Variants in CADM1 observed in about 807,000 individuals in gnomAD.
CADM1 encodes TSLC-1.
A neutral mutation model predicts 53.1 loss-of-function variants in CADM1; 15 were observed. That is an observed-to-expected ratio of 0.28 (90% CI 0.19 to 0.44). The LOEUF is 0.44. Ranked by LOEUF, CADM1 falls within the 20% of genes least tolerant of loss-of-function variation. The probability of loss-of-function intolerance (pLI) is 1.00; values close to 1 mark genes in which losing one functional copy is unlikely to be tolerated. For missense variants in CADM1, 434 were observed against 611.3 expected (o/e 0.71, Z 3.06); for synonymous variants, 281 against 243.0 (o/e 1.16, Z -1.45).
chr11:115,326,006 A>G (rs1207533635), intron 1 of CADM1, among the ~76,000 whole-genome samples: 5 of 152,210 alleles, frequency 3.3e-5, no homozygotes, highest in African/African-American at 1.2e-4. Context: ...TACATTTAAA[A>G]TAAAACTCAG....
At chr11:115,467,100 G>A (rs1277305611) in intron 1 of CADM1, among the ~76,000 whole-genome samples, 1 of 152,126 alleles carries the variant, frequency 6.6e-6, no homozygotes, top group Non-Finnish European at 1.5e-5. Context: ...CTGTTAAGAG[G>A]GATTAAAAAT....
intron 1 of CADM1, among the ~76,000 whole-genome samples, chr11:115,250,242 C>A (rs1942558271): frequency 6.6e-6 from 1 of 152,182 alleles, no homozygotes; most frequent in Non-Finnish European, 1.5e-5. Context: ...AATTGAATTT[C>A]TTTACAACCT....
At chr11:115,261,024 T>C (rs1174746165) in intron 1 of CADM1, among the ~76,000 whole-genome samples, 1 of 152,016 alleles carries the variant, frequency 6.6e-6, no homozygotes, top group Admixed American at 6.6e-5. Context: ...TTTTGGGAAT[T>C]TGCAATGTAG....
Position 115,178,698 on chromosome 11 carries a change from A to C in CADM1, c.1243T>G (p.Phe415Val), listed in dbSNP as rs61748616. Residue 415 changes from phenylalanine to valine, a missense_variant, in exon 11 of 12, where the codon TTC becomes GTC. By Grantham distance (50) the Phe-to-Val change is conservative (BLOSUM62 -1). Coordinates refer to ENST00000331581, the MANE Select transcript of CADM1 (RefSeq NM_001301043.2). Reference sequence around the variant, plus strand: ...ATGATGAGCAAGCACAGCATGGCGAACACCACCACCGCCACGACGCCACCG... The same window carrying C: ...ATGATGAGCAAGCACAGCATGGCGACCACCACCACCGCCACGACGCCACCG... ...VIGGVVAVVVFAMLCLLIILG... is the reference protein window; with the variant it reads ...VIGGVVAVVVVAMLCLLIILG... 1.9e-6 allele frequency: 3 copies of C among 1,613,554 alleles called. No individual in the cohort carries two copies. Among genetic ancestry groups the C allele is most frequent in the African/African-American group, 1.3e-5 (1 of 74,850 alleles).
At chr11:115,291,382 T>C (rs997911996) in intron 1 of CADM1, among the ~76,000 whole-genome samples, 2 of 152,212 alleles carry the variant, frequency 1.3e-5, no homozygotes, top group Admixed American at 6.5e-5. Context: ...TCTTTTTATA[T>C]GAAACAAATT....
chr11:115,390,523 GA>G (rs1946808978), intron 1 of CADM1, among the ~76,000 whole-genome samples: 1 of 151,844 alleles, frequency 6.6e-6, no homozygotes, highest in African/African-American at 2.4e-5. Context: ...AAGGGTAAGA[GA>G]AAACACCTGT....
At chr11:115,369,901 T>C (rs1336821499) in intron 1 of CADM1, among the ~76,000 whole-genome samples, 1 of 152,192 alleles carries the variant, frequency 6.6e-6, no homozygotes, top group Non-Finnish European at 1.5e-5. Flanking sequence ...GACTTAGCAC[T>C]TTTTCCTACC....
chr11:115,361,244 A>C (rs1171386262), intron 1 of CADM1, among the ~76,000 whole-genome samples: 1 of 152,162 alleles, frequency 6.6e-6, no homozygotes, highest in East Asian at 1.9e-4. Context: ...ATCCTTTATA[A>C]ACTAGAGCTA....
At chr11:115,412,665 T>C (rs1947487401) in intron 1 of CADM1, among the ~76,000 whole-genome samples, 1 of 152,186 alleles carries the variant, frequency 6.6e-6, no homozygotes, top group Non-Finnish European at 1.5e-5. Context: ...AGGAGGGCTG[T>C]GCCACTTTTG....
intron 1 of CADM1, among the ~76,000 whole-genome samples, chr11:115,331,049 C>T (rs560093842): frequency 5.3e-5 from 8 of 152,184 alleles, no homozygotes; most frequent in African/African-American, 1.4e-4. Context: ...GGTGAAGAAA[C>T]GGCAACTCCA....
At chr11:115,492,865 C>T (rs1949528308) in intron 1 of CADM1, among the ~76,000 whole-genome samples, 1 of 151,962 alleles carries the variant, frequency 6.6e-6, no homozygotes, top group African/African-American at 2.4e-5. Flanking sequence ...CCCTTGAACA[C>T]AGGGCCCCTA....
At chr11:115,239,095 G>A (rs551617253) in intron 2 of CADM1, among the ~76,000 whole-genome samples, 9 of 152,238 alleles carry the variant, frequency 5.9e-5, no homozygotes, top group African/African-American at 2.2e-4. Context: ...TCAGGGACTA[G>A]GGCCTACAGC....
intron 1 of CADM1, among the ~76,000 whole-genome samples, chr11:115,243,993 T>C (rs943110610): frequency 1.5e-4 from 23 of 152,208 alleles, no homozygotes. Flanking sequence ...TCGGTGTATA[T>C]GGGTGAGGTT....
chr11:115,479,306 T>G (rs1378537059), intron 1 of CADM1, among the ~76,000 whole-genome samples: 1 of 152,144 alleles, frequency 6.6e-6, no homozygotes, highest in Non-Finnish European at 1.5e-5. Flanking sequence ...ATTCCAGTTT[T>G]AAGAAATTTC....
chr11:115,346,018 G>A (rs1400453736), intron 1 of CADM1, among the ~76,000 whole-genome samples: 2 of 152,102 alleles, frequency 1.3e-5, no homozygotes, highest in Non-Finnish European at 2.9e-5. Flanking sequence ...TACATTATCT[G>A]TTGATCATCT....
chr11:115,297,608 G>A (rs886153651), intron 1 of CADM1, among the ~76,000 whole-genome samples: 8 of 152,114 alleles, frequency 5.3e-5, no homozygotes, highest in South Asian at 4.1e-4. Flanking sequence ...TTCCTGAATC[G>A]TTACAGAATA....
chr11:115,408,495 A>G (rs1947373508), intron 1 of CADM1, among the ~76,000 whole-genome samples: 1 of 152,234 alleles, frequency 6.6e-6, no homozygotes, highest in Admixed American at 6.5e-5. Flanking sequence ...GGAGCGGCCA[A>G]AAGCTGTGGA....
At chr11:115,448,571 T>C (rs1435110219) in intron 1 of CADM1, among the ~76,000 whole-genome samples, 2 of 152,052 alleles carry the variant, frequency 1.3e-5, no homozygotes, top group Non-Finnish European at 2.9e-5. Context: ...TTTTTCTCAT[T>C]TTTCAACTCA....
At position 115,376,969 on chromosome 11, in the gene CADM1, A is replaced by C. The variant is rs115415544; in HGVS notation, c.124+127302T>G. 3.1e-3 allele frequency among the ~76,000 whole-genome samples: 473 copies of C among 152,328 alleles called. 2 individuals carry two copies. The highest frequency in any genetic ancestry group is 9.8e-3 in the African/African-American group (407 of 41,584). ...TCATCAGCAAACTTTAGACAAGGTT[A>C]ATGAAAGTTCTGTCACTTTAATGTC... On this transcript the variant is annotated intron_variant, in intron 1 of 11. Transcript: ENST00000331581.
Sources: gnomAD v4.1 joint callset for allele counts (sites outside exome capture counted in the v4.1 genomes callset) on GRCh38, gnomAD v4.1.1 for gene constraint, MANE v1.5 for transcripts, NCBI Gene and HGNC (gene_info 2026-07-23, HGNC 2026-07-21) for gene names.